Variants in KLF13 observed in about 807,000 individuals in gnomAD.
The protein encoded by KLF13 is KLF transcription factor 13, also known as Krueppel-like factor 13.
A neutral mutation model predicts 16.7 loss-of-function variants in KLF13; 8 were observed. The ratio of observed to expected loss-of-function variants is 0.48; its 90% CI spans 0.28 to 0.87. The LOEUF (loss-of-function observed/expected upper bound fraction) is 0.87. KLF13 is among the 40% of genes least tolerant of loss of function. KLF13 has a pLI of 0.10. For synonymous variants in KLF13, 245 were observed against 208.4 expected, an observed-to-expected ratio of 1.18 and a Z score of -1.51; for missense variants, 447 against 452.2, an observed-to-expected ratio of 0.99 and a Z score of 0.10.
intron 1 of KLF13, among the ~76,000 whole-genome samples, chr15:31,328,882 G>C (rs1268690603): frequency 6.6e-6 from 1 of 152,194 alleles, no homozygotes; most frequent in East Asian, 1.9e-4. Context: ...TCTACCTTGG[G>C]GGCAGGCTCA....
intron 1 of KLF13, among the ~76,000 whole-genome samples, chr15:31,338,966 C>A (rs2038979111): frequency 6.6e-6 from 1 of 152,158 alleles, no homozygotes; most frequent in Admixed American, 6.5e-5. Flanking sequence ...GGTGAAGGCA[C>A]CCCTTCTTTG....
At chr15:31,337,810 C>T (rs2038956042) in intron 1 of KLF13, among the ~76,000 whole-genome samples, 1 of 152,262 alleles carries the variant, frequency 6.6e-6, no homozygotes, top group Non-Finnish European at 1.5e-5. Context: ...TTATGTGGTG[C>T]ATGACTGTAC....
intron 1 of KLF13, among the ~76,000 whole-genome samples, chr15:31,414,481 A>T (rs868149570): frequency 2.6e-5 from 4 of 152,210 alleles, no homozygotes; most frequent in Non-Finnish European, 2.9e-5. Context: ...TGCAAGAAAG[A>T]CACTTTTAAT....
intron 1 of KLF13, among the ~76,000 whole-genome samples, chr15:31,360,486 C>T (rs1376426314): frequency 2.6e-5 from 4 of 152,190 alleles, no homozygotes; most frequent in Admixed American, 2.6e-4. Flanking sequence ...GTCACCTGTT[C>T]TCTGCAAGAG....
At chr15:31,412,418 C>A (rs1041339702) in intron 1 of KLF13, among the ~76,000 whole-genome samples, 1 of 151,788 alleles carries the variant, frequency 6.6e-6, no homozygotes, top group African/African-American at 2.4e-5. Context: ...GAATAATTTG[C>A]CTCTAGTAAC....
intron 1 of KLF13, among the ~76,000 whole-genome samples, chr15:31,350,504 T>A (rs2039199847): frequency 6.6e-6 from 1 of 152,234 alleles, no homozygotes; most frequent in African/African-American, 2.4e-5. Flanking sequence ...ACCAAACTCT[T>A]AAAATATGAA....
At position 31,344,812 on chromosome 15, in the gene KLF13, G is replaced by A. The variant is rs189512555; in HGVS notation, c.577+17023G>A. 2.0e-4 allele frequency among the ~76,000 whole-genome samples: 30 copies of A among 152,324 alleles called. 1 individual carries two copies. In the East Asian group the frequency reaches 2.9e-3, roughly 15 times the overall value. ...TGCTGGGTGGGGCAGGATGAGGGTG[G>A]GAGGGGTTTTGACTTTGTCCTGAGG... On this transcript the variant is annotated intron_variant, in intron 1 of 1. Transcript: ENST00000307145.
chr15:31,364,390 T>G (rs934703254), intron 1 of KLF13, among the ~76,000 whole-genome samples: 1 of 152,218 alleles, frequency 6.6e-6, no homozygotes, highest in African/African-American at 2.4e-5. Flanking sequence ...CTCTTGCATG[T>G]GAAGAGTGGA....
chr15:31,365,559 C>T (rs2039454068), intron 1 of KLF13, among the ~76,000 whole-genome samples: 1 of 136,996 alleles, frequency 7.3e-6, no homozygotes, highest in Non-Finnish European at 1.5e-5. Context: ...AGGAGGTTCG[C>T]AGACAGAAAG....
At chr15:31,342,624 C>T (rs1011463054) in intron 1 of KLF13, among the ~76,000 whole-genome samples, 11 of 152,214 alleles carry the variant, frequency 7.2e-5, no homozygotes, top group South Asian at 2.1e-4. Flanking sequence ...GGGCTTCGCT[C>T]GTTTCCACAG....
intron 1 of KLF13, among the ~76,000 whole-genome samples, chr15:31,360,945 G>A (rs993219898): frequency 2.6e-5 from 4 of 152,186 alleles, no homozygotes; most frequent in Non-Finnish European, 5.9e-5. Context: ...GGAGCCTGCC[G>A]AGGCTCCTCC....
intron 1 of KLF13, among the ~76,000 whole-genome samples, chr15:31,423,425 A>G (rs1040791691): frequency 2.6e-5 from 4 of 151,814 alleles, no homozygotes; most frequent in Non-Finnish European, 5.9e-5. Flanking sequence ...TGAGGTCAGG[A>G]GTTCGAGACC....
rs769571005 is a variant in KLF13, at chr15:31,327,838, G to C, written c.577+49G>C. The stretch of plus-strand genomic sequence containing the variant: ...CGGATCGCGCGGACGGGGTCGGCGC[G>C]AGCTGCCCGACCACGCCCCCGGAGT... On this transcript the variant is annotated intron_variant, in intron 1 of 1. Coordinates refer to ENST00000307145, the MANE Select transcript of KLF13 (RefSeq NM_015995.4). 5.9e-6 allele frequency: 8 copies of C among 1,355,414 alleles called. No homozygotes were observed. The East Asian group carries it at 1.6e-4, about 27-fold the overall frequency. The allele number at this position is 1,355,414 out of a possible 1,614,324, so 84.0% of individuals were successfully genotyped here.
intron 1 of KLF13, among the ~76,000 whole-genome samples, 162 bp downstream of exon 1, chr15:31,327,951 C>T (rs2038748931): frequency 1.4e-5 from 2 of 148,018 alleles, no homozygotes; most frequent in South Asian, 4.2e-4. Context: ...GCGGCTGGCC[C>T]CGCGCGTCGC....
intron 1 of KLF13, among the ~76,000 whole-genome samples, chr15:31,370,930 T>C (rs932468098): frequency 3.3e-5 from 5 of 152,160 alleles, no homozygotes; most frequent in African/African-American, 9.7e-5. Flanking sequence ...TGGCCATCCC[T>C]GGGTATCTGC....
chr15:31,390,022 A>G (rs1300941918), upstream of KLF13, among the ~76,000 whole-genome samples: 2 of 152,130 alleles, frequency 1.3e-5, no homozygotes, highest in African/African-American at 2.4e-5. Flanking sequence ...TGTTATATAC[A>G]TTTTCCCTAT....
intron 1 of KLF13, among the ~76,000 whole-genome samples, chr15:31,368,820 T>TTAGATAGATAGATAGA (rs373136224): frequency 4.6e-5 from 7 of 151,722 alleles, no homozygotes; most frequent in African/African-American, 1.7e-4. Flanking sequence ...CTATCTCAGA[T>TTAGATAGATAGATAGA]TAGATAGATA....
At chr15:31,357,382 C>T (rs1364014186) in intron 1 of KLF13, among the ~76,000 whole-genome samples, 5 of 152,234 alleles carry the variant, frequency 3.3e-5, no homozygotes, top group African/African-American at 1.2e-4. Context: ...TCTGCTGATC[C>T]TTGATGTCTG....
chr15:31,339,506 G>A (rs934307675), intron 1 of KLF13, among the ~76,000 whole-genome samples: 2 of 152,210 alleles, frequency 1.3e-5, no homozygotes, highest in African/African-American at 4.8e-5. Flanking sequence ...TGCTTACGTA[G>A]ACACCACACG....
Sources: gnomAD v4.1 joint callset for allele counts (sites outside exome capture counted in the v4.1 genomes callset) on GRCh38, gnomAD v4.1.1 for gene constraint, MANE v1.5 for transcripts, NCBI Gene and HGNC (gene_info 2026-07-23, HGNC 2026-07-21) for gene names.